PATJ: variants seen among roughly 807,000 people sequenced by gnomAD.
The protein encoded by PATJ is PATJ crumbs cell polarity complex component, also known as inaD-like protein.
PATJ carries 190 observed loss-of-function variants against 224.9 expected under a neutral mutation model. The ratio of observed to expected loss-of-function variants is 0.84; its 90% CI spans 0.75 to 0.95. PATJ has a LOEUF of 0.95. PATJ is among the 40% of genes least tolerant of loss of function. The pLI, the probability that PATJ is intolerant of heterozygous loss-of-function variation, is 0.00. For missense variants in PATJ, 2,121 were observed against 2,270.3 expected (o/e 0.93, Z 1.34); for synonymous variants, 769 against 820.3 (o/e 0.94, Z 1.07).
At chr1:62,026,446 T>G (rs1647925539) in intron 29 of PATJ, among the ~76,000 whole-genome samples, 1 of 150,186 alleles carries the variant, frequency 6.7e-6, no homozygotes, top group Non-Finnish European at 1.5e-5. Flanking sequence ...TGTTGATGTG[T>G]TCATTTATTC....
At chr1:61,949,656 C>G (rs1354495346) in intron 27 of PATJ, among the ~76,000 whole-genome samples, 1 of 152,192 alleles carries the variant, frequency 6.6e-6, no homozygotes, top group Non-Finnish European at 1.5e-5. Flanking sequence ...CCTGTAATCC[C>G]AGCACTTTGG....
At chr1:62,039,637 G>A (rs930420615) in intron 30 of PATJ, among the ~76,000 whole-genome samples, 12 of 152,200 alleles carry the variant, frequency 7.9e-5, no homozygotes, top group African/African-American at 2.4e-4. Flanking sequence ...TTGTGTAGCC[G>A]AAACACAGGT....
rs139999156 is a variant in PATJ, at chr1:62,020,549, T to C, written c.3959+2602T>C. 2.7e-3 allele frequency among the ~76,000 whole-genome samples: 417 copies of C among 152,320 alleles called. 2 individuals carry two copies. The highest frequency in any genetic ancestry group is 9.7e-3 in the African/African-American group (403 of 41,586). On this transcript the variant is annotated intron_variant, in intron 29 of 43. Coordinates refer to ENST00000642238, the MANE Select transcript of PATJ (RefSeq NM_001350145.3). ...TTAGAAGACAGAAGGGAAAGCTGAA[T>C]AGAATTTTAATCATAGTAGTAAAGC...
chr1:61,786,249 TG>T (rs2148475405), intron 7 of PATJ, among the ~76,000 whole-genome samples: 1 of 152,342 alleles, frequency 6.6e-6, no homozygotes, highest in Non-Finnish European at 1.5e-5. Flanking sequence ...CTCGAACTCC[TG>T]GCCTCAAGTG....
intron 31 of PATJ, among the ~76,000 whole-genome samples, chr1:62,068,866 T>C (rs961840490): frequency 5.1e-4 from 78 of 152,224 alleles, no homozygotes; most frequent in African/African-American, 1.8e-3. Flanking sequence ...TTTCATGAAA[T>C]GAGATGACCT....
intron 1 of PATJ, among the ~76,000 whole-genome samples, chr1:61,759,199 T>C (rs977252417): frequency 6.6e-6 from 1 of 152,116 alleles, no homozygotes; most frequent in Non-Finnish European, 1.5e-5. Flanking sequence ...TGATGAGATT[T>C]TTTTGCAATT....
At chr1:61,869,256 G>A (rs563398798) in intron 20 of PATJ, among the ~76,000 whole-genome samples, 351 of 150,430 alleles carry the variant, frequency 2.3e-3, no homozygotes, top group Non-Finnish European at 3.7e-3. Context: ...ACAGGCGCCC[G>A]CCACTACGCC....
chr1:61,909,467 CA>C (rs1002895220), intron 25 of PATJ, among the ~76,000 whole-genome samples: 7 of 152,022 alleles, frequency 4.6e-5, no homozygotes, highest in Admixed American at 4.6e-4. Context: ...AAAACATAGA[CA>C]CTTCTTTTTT....
At chr1:62,153,135 G>A (rs1668800327) in intron 42 of PATJ, among the ~76,000 whole-genome samples, 1 of 152,176 alleles carries the variant, frequency 6.6e-6, no homozygotes, top group Non-Finnish European at 1.5e-5. Context: ...TGAGTTTTAT[G>A]AAAGAGAAAC....
chr1:62,149,464 T>C (rs551358331), intron 42 of PATJ, among the ~76,000 whole-genome samples: 1 of 152,298 alleles, frequency 6.6e-6, no homozygotes, highest in Non-Finnish European at 1.5e-5. Flanking sequence ...AAATGACATC[T>C]TTGAGTTTAT....
intron 41 of PATJ, among the ~76,000 whole-genome samples, chr1:62,130,580 G>A (rs984331222): frequency 1.3e-5 from 2 of 151,614 alleles, no homozygotes; most frequent in African/African-American, 2.4e-5. Flanking sequence ...TGCTGGGCAC[G>A]GTGGCTCACA....
At chr1:61,752,572 C>T (rs1045066039) in intron 1 of PATJ, among the ~76,000 whole-genome samples, 1 of 152,100 alleles carries the variant, frequency 6.6e-6, no homozygotes, top group African/African-American at 2.4e-5. Flanking sequence ...CCCTTGTGCC[C>T]GCCTCGGCCT....
chr1:61,884,998 T>C (rs1344644776), intron 22 of PATJ, among the ~76,000 whole-genome samples: 2 of 152,156 alleles, frequency 1.3e-5, no homozygotes, highest in Non-Finnish European at 2.9e-5. Context: ...TGTCTGGACA[T>C]GGGTAATTGG....
At chr1:61,752,516 G>A (rs899777830) in intron 1 of PATJ, among the ~76,000 whole-genome samples, 6 of 151,902 alleles carry the variant, frequency 3.9e-5, no homozygotes, top group African/African-American at 1.4e-4. Context: ...TTTTCACCAC[G>A]TTGGCCAGGC....
chr1:61,857,067 C>A (rs1293428747), intron 18 of PATJ, among the ~76,000 whole-genome samples: 1 of 152,008 alleles, frequency 6.6e-6, no homozygotes, highest in Non-Finnish European at 1.5e-5. Flanking sequence ...ATCAAGAACC[C>A]CTATAATGTC....
chr1:62,123,018 T>C lies in PATJ; in HGVS notation c.5006-3T>C. The stretch of plus-strand genomic sequence containing the variant: ...AAAAGTTAATTGTGTTGCTTCTTTA[T>C]AGGCACAGATATGGAACCAAGGACT... On this transcript the variant is annotated splice_region_variant and splice_polypyrimidine_tract_variant and intron_variant, in intron 38 of 43. Coordinates refer to ENST00000642238, the MANE Select transcript of PATJ (RefSeq NM_001350145.3). 6.3e-7 allele frequency: 1 copy of C among 1,575,524 alleles called. No individual in the cohort carries two copies. The highest frequency in any genetic ancestry group is 1.2e-5 in the South Asian group (1 of 86,514).
chr1:61,999,987 TCTC>T (rs1195028904), intron 28 of PATJ, among the ~76,000 whole-genome samples: 1 of 151,850 alleles, frequency 6.6e-6, no homozygotes, highest in Non-Finnish European at 1.5e-5. Flanking sequence ...TTCAAGCAAT[TCTC>T]CTGCCTCAGC....
intron 31 of PATJ, chr1:62,073,324 C>T: frequency 1.0e-6 from 1 of 985,300 alleles, no homozygotes. Flanking sequence ...TAAACAGATG[C>T]TTAAAAGGGC....
intron 31 of PATJ, among the ~76,000 whole-genome samples, chr1:62,053,718 TAA>T (rs61264854): frequency 2.3e-4 from 34 of 146,374 alleles, no homozygotes; most frequent in African/African-American, 5.1e-4. Flanking sequence ...AAATTCCGTC[TAA>T]AAAAAAAAAA....
Sources: gnomAD v4.1 joint callset for allele counts (sites outside exome capture counted in the v4.1 genomes callset) on GRCh38, gnomAD v4.1.1 for gene constraint, MANE v1.5 for transcripts, NCBI Gene and HGNC (gene_info 2026-07-23, HGNC 2026-07-21) for gene names.